LARGE1: variants seen among roughly 807,000 people sequenced by gnomAD.
The protein encoded by LARGE1 is xylosyl- and glucuronyltransferase LARGE1.
In LARGE1, 43 loss-of-function variants were observed where a neutral mutation model predicts 87.6. The observed-to-expected ratio is 0.49, with a 90% CI of 0.38 to 0.63. The LOEUF (loss-of-function observed/expected upper bound fraction) is 0.63. Ranked by LOEUF, LARGE1 falls within the 30% of genes least tolerant of loss-of-function variation. LARGE1 has a pLI of 0.00. For missense variants in LARGE1, 802 were observed against 1,000.2 expected, an observed-to-expected ratio of 0.80 and a Z score of 2.67; for synonymous variants, 434 against 394.6, an observed-to-expected ratio of 1.10 and a Z score of -1.18.
intron 5 of LARGE1, among the ~76,000 whole-genome samples, chr22:33,566,501 A>T (rs2078029936): frequency 6.6e-6 from 1 of 152,188 alleles, no homozygotes; most frequent in African/African-American, 2.4e-5. Context: ...GGTCTCGCTG[A>T]CTTCAAGAGT....
At chr22:33,200,049 A>G (rs1265897828) in intron 11 of LARGE1, among the ~76,000 whole-genome samples, 1 of 152,002 alleles carries the variant, frequency 6.6e-6, no homozygotes, top group East Asian at 1.9e-4. Context: ...GGGTTTCACC[A>G]TCTTGGCCAG....
Position 33,540,070 on chromosome 22 carries a change from A to C in LARGE1, c.787+24778T>G, listed in dbSNP as rs148849395. Among the ~76,000 whole-genome samples the C allele has an allele frequency of 8.9e-4, 135 of 152,284 alleles. 1 individual carries two copies. The East Asian group carries it at 0.019, about 22-fold the overall frequency. Reference sequence around the variant, plus strand: ...TCCCTTTTACCCTGTGGAGGCCTGCAAAAAATAGGAGCTTGGTGTACATTA... The same window carrying C: ...TCCCTTTTACCCTGTGGAGGCCTGCCAAAAATAGGAGCTTGGTGTACATTA... On this transcript the variant is annotated intron_variant, in intron 6 of 14. Transcript: ENST00000397394.
chr22:33,592,798 C>T (rs543259915), intron 5 of LARGE1, among the ~76,000 whole-genome samples: 3 of 152,138 alleles, frequency 2.0e-5, no homozygotes, highest in East Asian at 3.9e-4. Context: ...GAACAATACA[C>T]TTGTGTATAT....
intron 6 of LARGE1, among the ~76,000 whole-genome samples, chr22:33,473,372 C>T (rs571711249): frequency 1.8e-4 from 28 of 151,592 alleles, no homozygotes; most frequent in African/African-American, 5.8e-4. Context: ...TTTTTTGAGA[C>T]GAAGTCTCAC....
intron 11 of LARGE1, among the ~76,000 whole-genome samples, chr22:33,309,824 G>A (rs1250521088): frequency 6.6e-6 from 1 of 152,112 alleles, no homozygotes; most frequent in Non-Finnish European, 1.5e-5. Flanking sequence ...ACGGTGAGGG[G>A]CAGGGGTGAG....
chr22:33,845,178 C>T (rs1349690850), intron 1 of LARGE1, among the ~76,000 whole-genome samples: 1 of 152,174 alleles, frequency 6.6e-6, no homozygotes, highest in South Asian at 2.1e-4. Context: ...CCTTACCTCC[C>T]CCAGCCCCTG....
At chr22:33,494,670 A>G (rs2070016045) in intron 6 of LARGE1, among the ~76,000 whole-genome samples, 1 of 152,150 alleles carries the variant, frequency 6.6e-6, no homozygotes, top group African/African-American at 2.4e-5. Flanking sequence ...CTAATCTTAC[A>G]CTCATTTTGC....
At chr22:33,532,658 T>C (rs150618659) in intron 6 of LARGE1, among the ~76,000 whole-genome samples, 2 of 152,350 alleles carry the variant, frequency 1.3e-5, no homozygotes, top group Non-Finnish European at 2.9e-5. Flanking sequence ...TCATCATCCA[T>C]GCTTAAAGTT....
At chr22:33,673,554 C>T (rs1422081421) in intron 2 of LARGE1, among the ~76,000 whole-genome samples, 1 of 152,132 alleles carries the variant, frequency 6.6e-6, no homozygotes, top group African/African-American at 2.4e-5. Flanking sequence ...TAAAGTTGAC[C>T]ATCTTTACCA....
intron 5 of LARGE1, among the ~76,000 whole-genome samples, chr22:33,593,580 G>C (rs1028505244): frequency 8.5e-5 from 13 of 152,094 alleles, no homozygotes; most frequent in Admixed American, 2.6e-4. Context: ...AGTGTTAAAA[G>C]CCAAGTTCCA....
At chr22:33,876,243 AC>A (rs1283687103) in intron 1 of LARGE1, among the ~76,000 whole-genome samples, 5 of 151,958 alleles carry the variant, frequency 3.3e-5, no homozygotes, top group Admixed American at 1.3e-4. Context: ...AACTAACTGG[AC>A]CCCCATACTG....
At chr22:33,378,552 G>A (rs2065058430) in intron 9 of LARGE1, among the ~76,000 whole-genome samples, 1 of 152,264 alleles carries the variant, frequency 6.6e-6, no homozygotes, top group African/African-American at 2.4e-5. Flanking sequence ...TGTATCCCAT[G>A]ATAGCATTCG....
chr22:33,620,469 C>T (rs754929309), intron 4 of LARGE1, among the ~76,000 whole-genome samples: 10 of 152,112 alleles, frequency 6.6e-5, no homozygotes, highest in Non-Finnish European at 1.0e-4. Flanking sequence ...AATAGCCTGC[C>T]GTCTAGGTGA....
chr22:33,601,095 G>C (rs1350391822), intron 5 of LARGE1, among the ~76,000 whole-genome samples: 1 of 152,020 alleles, frequency 6.6e-6, no homozygotes, highest in Non-Finnish European at 1.5e-5. Context: ...AACAAAAACT[G>C]TGGCCTCTAG....
chr22:33,403,321 A>G (rs2065987511), intron 7 of LARGE1, among the ~76,000 whole-genome samples: 2 of 152,308 alleles, frequency 1.3e-5, no homozygotes, highest in East Asian at 3.9e-4. Context: ...CTGGATCTCA[A>G]CAAGCAGAGT....
At chr22:33,829,104 G>A (rs994234291) in intron 1 of LARGE1, among the ~76,000 whole-genome samples, 4 of 140,568 alleles carry the variant, frequency 2.8e-5, no homozygotes, top group African/African-American at 5.3e-5. Context: ...CTCCTCCCAC[G>A]TTCAACCGAT....
At chr22:33,304,559 T>C (rs1280533436) in intron 11 of LARGE1, 52 bp from the exon 12 acceptor site, 12 of 1,506,780 alleles carry the variant, frequency 8.0e-6, no homozygotes, top group East Asian at 4.9e-5. Flanking sequence ...CCATGCATCA[T>C]CCGCCGGGCC....
At chr22:33,523,887 G>A (rs1318379234) in intron 6 of LARGE1, among the ~76,000 whole-genome samples, 3 of 152,142 alleles carry the variant, frequency 2.0e-5, no homozygotes, top group Non-Finnish European at 4.4e-5. Flanking sequence ...GGTACAATAT[G>A]TGTGTATAGT....
At chr22:33,144,321 C>T in the LARGE1 span, among the ~76,000 whole-genome samples, 1 of 151,932 alleles carries the variant, frequency 6.6e-6, no homozygotes, top group African/African-American at 2.4e-5. Flanking sequence ...TTGTGTTTCC[C>T]AAGACAAAAT....
Sources: gnomAD v4.1 joint callset for allele counts (sites outside exome capture counted in the v4.1 genomes callset) on GRCh38, gnomAD v4.1.1 for gene constraint, MANE v1.5 for transcripts, NCBI Gene and HGNC (gene_info 2026-07-23, HGNC 2026-07-21) for gene names.